AZIN1: variants seen among roughly 807,000 people sequenced by gnomAD.
The protein encoded by AZIN1 is antizyme inhibitor 1.
AZIN1 carries 12 observed loss-of-function variants against 47.4 expected under a neutral mutation model. The observed-to-expected ratio is 0.25, with a 90% CI of 0.16 to 0.41. The LOEUF is 0.41. AZIN1 is among the 10% of genes least tolerant of loss of function. The probability of loss-of-function intolerance (pLI) is 1.00; values close to 1 mark genes in which losing one functional copy is unlikely to be tolerated. For synonymous variants in AZIN1, 155 were observed against 176.3 expected (o/e 0.88, Z 0.96); for missense variants, 410 against 532.4 (o/e 0.77, Z 2.26).
In AZIN1 at chr8:102,829,333, G is replaced by C. The variant is rs764607985; in HGVS notation, c.1174C>G (p.Pro392Ala). The change falls in exon 11 of 12, where the codon CCA becomes GCA. Residue 392 changes from proline (P) to alanine (A), a missense_variant. Around this residue, in one of 3 missense-constraint regions of AZIN1, gnomAD observed 168 missense variants for 198.3 expected, o/e 0.85. Coordinates refer to ENST00000337198, the MANE Select transcript of AZIN1 (RefSeq NM_148174.4). ...DNMGADSFHE[P>A]SAFNDFQRPA... ...CTCTGAAAATCATTAAAAGCAGATG[G>C]TTCATGGAAAGAATCTGCTCCCATG... The C allele has an allele frequency of 2.5e-6, 4 of 1,613,904 alleles. No individual in the cohort carries two copies. The East Asian group carries it at 8.9e-5, about 36-fold the overall frequency.
intron 5 of AZIN1, among the ~76,000 whole-genome samples, chr8:102,837,722 G>A (rs1168622890): frequency 6.6e-6 from 1 of 152,190 alleles, no homozygotes; most frequent in Non-Finnish European, 1.5e-5. Context: ...AATCAATGCT[G>A]TCAGGATATC....
chr8:102,845,608 G>A (rs1444780425), intron 2 of AZIN1, among the ~76,000 whole-genome samples: 2 of 152,006 alleles, frequency 1.3e-5, no homozygotes, highest in South Asian at 2.1e-4. Context: ...CAATTTTGGG[G>A]GGATATTCAA....
intron 1 of AZIN1, chr8:102,859,101 C>A (rs1402973207): frequency 6.7e-6 from 1 of 149,332 alleles, no homozygotes; most frequent in African/African-American, 2.5e-5. Context: ...TCAAGGCACT[C>A]CTGGTGGAGG....
chr8:102,848,399 C>T (rs1465940349), intron 2 of AZIN1, among the ~76,000 whole-genome samples: 1 of 143,060 alleles, frequency 7.0e-6, no homozygotes, highest in African/African-American at 2.5e-5. Flanking sequence ...AACAAGTTTT[C>T]TTTTTTTGTT....
chr8:102,835,909 C>CA (rs1366107851), intron 6 of AZIN1, among the ~76,000 whole-genome samples: 1 of 152,088 alleles, frequency 6.6e-6, no homozygotes, highest in Non-Finnish European at 1.5e-5. Context: ...GTTAAAAGGA[C>CA]AAAAAAGTCT....
chr8:102,863,929 C>A lies in AZIN1; in HGVS notation c.-356G>T, dbSNP rs1030513368. 5 of 153,218 alleles carry A rather than the reference C, an allele frequency of 3.3e-5. No individual in the cohort carries two copies. The highest frequency in any genetic ancestry group is 1.2e-4 in the African/African-American group (5 of 41,572). 9.5% of individuals were successfully genotyped at this position (153,218 alleles called of 1,614,324 possible). On this transcript the variant is annotated 5_prime_UTR_variant, in exon 1 of 12. Coordinates refer to ENST00000337198, the MANE Select transcript of AZIN1 (RefSeq NM_148174.4). ...CGGCCTGGGCCATAGGCTGCGGGAA[C>A]GACTTGGGGGTAAAAGCGCGGCACC...
At chr8:102,839,982 A>C (rs1812075702) in intron 3 of AZIN1, among the ~76,000 whole-genome samples, 159 bp from the exon 4 acceptor site, 1 of 152,250 alleles carries the variant, frequency 6.6e-6, no homozygotes, top group Non-Finnish European at 1.5e-5. Flanking sequence ...TAGATTTAGT[A>C]AACATTAAAA....
chr8:102,850,198 C>G (rs573634063), intron 2 of AZIN1: 1 of 152,268 alleles, frequency 6.6e-6, no homozygotes, highest in Non-Finnish European at 1.5e-5. Flanking sequence ...TCAGAGATAC[C>G]TAAGCAGGAA....
chr8:102,851,481 GT>G, intron 2 of AZIN1, among the ~76,000 whole-genome samples: 2 of 152,234 alleles, frequency 1.3e-5, no homozygotes, highest in Non-Finnish European at 2.9e-5. Flanking sequence ...GCTGACGCAG[GT>G]GGATCATGAG....
At chr8:102,846,731 T>C (rs1324170132) in intron 2 of AZIN1, among the ~76,000 whole-genome samples, 1 of 152,052 alleles carries the variant, frequency 6.6e-6, no homozygotes, top group African/African-American at 2.4e-5. Flanking sequence ...CTTTCAGACA[T>C]ATGAACACTC....
At position 102,829,546 on chromosome 8, in the gene AZIN1, G is replaced by A; in HGVS notation, c.1021-60C>T. On this transcript the variant is annotated intron_variant, in intron 10 of 11. Transcript: ENST00000337198. ...ATACTTACGCAGGTATTGAATTTGT[G>A]AGTAAATAAGTATTTTCACTGTCTC... is the stretch of plus-strand genomic sequence containing the variant. The A allele has an allele frequency of 2.8e-6, 4 of 1,409,554 alleles. No homozygotes were observed. In the South Asian group the frequency reaches 3.8e-5, roughly 14 times the overall value. The allele number at this position is 1,409,554 out of a possible 1,614,324, so 87.3% of individuals were successfully genotyped here. A position where few individuals can be genotyped will look rare whatever the true frequency, so the allele number is the denominator to read the frequency against.
chr8:102,862,824 G>C (rs114232418), intron 1 of AZIN1, among the ~76,000 whole-genome samples: 1,659 of 152,296 alleles, frequency 0.011, 30 homozygotes, highest in African/African-American at 0.037. Context: ...GCGGTAAACT[G>C]TGTCCCCGAC....
At position 102,843,766 on chromosome 8, in the gene AZIN1, T is replaced by C. The variant is rs1812376212; in HGVS notation, c.-95-19A>G. The C allele has an allele frequency of 6.2e-6, 9 of 1,458,060 alleles. No individual in the cohort carries two copies. The Middle Eastern group carries it at 5.3e-4, about 86-fold the overall frequency. The allele number at this position is 1,458,060 out of a possible 1,614,324, so 90.3% of individuals were successfully genotyped here. ...CAACAAACTGTCAAAATATAAGTTA[T>C]ATAAAAGTCTGTATTATTTCAATAG... is the stretch of plus-strand genomic sequence containing the variant. On this transcript the variant is annotated intron_variant, in intron 2 of 11. Coordinates refer to ENST00000337198, the MANE Select transcript of AZIN1 (RefSeq NM_148174.4).
chr8:102,856,101 T>TG (rs907465416), intron 2 of AZIN1: 4 of 150,938 alleles, frequency 2.7e-5, no homozygotes, highest in African/African-American at 9.7e-5. Context: ...TTGTTTTTTT[T>TG]TTTTTTTCCC....
At chr8:102,834,042 C>A in intron 8 of AZIN1, 147 bp downstream of exon 8, 1 of 553,632 alleles carries the variant, frequency 1.8e-6, no homozygotes, top group Non-Finnish European at 3.1e-6. Context: ...GGTCTACTAA[C>A]TGCCTATTCC....
At chr8:102,840,028 T>G (rs751716288) in intron 3 of AZIN1, among the ~76,000 whole-genome samples, 4 of 152,228 alleles carry the variant, frequency 2.6e-5, no homozygotes, top group Admixed American at 2.6e-4. Context: ...CTTCTTATAT[T>G]TGATTACTTT....
chr8:102,849,057 G>A (rs1276969836), intron 2 of AZIN1, among the ~76,000 whole-genome samples: 4 of 152,064 alleles, frequency 2.6e-5, no homozygotes, highest in African/African-American at 9.7e-5. Context: ...CAGCACTCTG[G>A]GAGGCCGAGG....
chr8:102,834,579 A>G, intron 7 of AZIN1, 87 bp downstream of exon 7: 1 of 990,542 alleles, frequency 1.0e-6, no homozygotes, highest in South Asian at 1.5e-5. Context: ...TAGTCAGAGT[A>G]ATTCACACAG....
Position 102,838,763 on chromosome 8 carries a change from G to A in AZIN1, c.430C>T (p.Arg144Cys), listed in dbSNP as rs142294459. Residue 144 changes from arginine to cysteine, a missense_variant, in exon 5 of 12, where the codon CGT (arginine) becomes TGT (cysteine). Physicochemically the swap from Arg to Cys is radical, Grantham distance 180 (BLOSUM62 -3). Around this residue, in one of 3 missense-constraint regions of AZIN1, gnomAD observed 237 missense variants for 309.4 expected, o/e 0.77. Transcript: ENST00000337198. Reference sequence around the variant, plus strand: ...ACTTACTTGGCATTTGGGTGATTACGTGCAATTTTCTTCAATTCAATTTCA... The same window carrying A: ...ACTTACTTGGCATTTGGGTGATTACATGCAATTTTCTTCAATTCAATTTCA... ...DNEIELKKIA[R>C]NHPNAKVLLH... 17 of 1,612,078 alleles carry A rather than the reference G, an allele frequency of 1.1e-5. No individual in the cohort carries two copies. The highest frequency in any genetic ancestry group is 6.7e-5 in the East Asian group (3 of 44,816).
Sources: allele counts gnomAD v4.1 joint callset (sites outside exome capture counted in the v4.1 genomes callset), GRCh38; gene constraint gnomAD v4.1.1; regional missense constraint gnomAD v4.1.1; transcripts MANE v1.5; gene names NCBI Gene and HGNC (gene_info 2026-07-23, HGNC 2026-07-21).